The following STPG2 variants were observed in gnomAD, a reference collection of about 807,000 sequenced individuals.
STPG2 encodes the protein sperm tail PG-rich repeat containing 2.
A neutral mutation model predicts 54.2 loss-of-function variants in STPG2; 56 were observed. The observed-to-expected ratio is 1.03, with a 90% CI of 0.83 to 1.29. STPG2 has a LOEUF of 1.29. STPG2 is among the 50% of genes most tolerant of loss of function. STPG2 has a pLI of 0.00. For missense variants in STPG2, 596 were observed against 544.9 expected (o/e 1.09, Z -0.93); for synonymous variants, 200 against 181.8 (o/e 1.10, Z -0.81).
At chr4:98,118,596 G>A (rs1347200419) in intron 3 of STPG2, among the ~76,000 whole-genome samples, 2 of 152,128 alleles carry the variant, frequency 1.3e-5, no homozygotes, top group South Asian at 4.1e-4. Flanking sequence ...TGTCCATTGA[G>A]ATGACCTAGA....
At chr4:97,937,549 TG>T (rs1487925585) in intron 8 of STPG2, among the ~76,000 whole-genome samples, 1 of 152,208 alleles carries the variant, frequency 6.6e-6, no homozygotes, top group Non-Finnish European at 1.5e-5. Flanking sequence ...TGCTGACCTT[TG>T]GATGAGGTTT....
At chr4:97,930,535 A>G (rs1578702491) in intron 8 of STPG2, among the ~76,000 whole-genome samples, 1 of 152,100 alleles carries the variant, frequency 6.6e-6, no homozygotes, top group Non-Finnish European at 1.5e-5. Flanking sequence ...CCATTGGTCT[A>G]TGTGCCTGTT....
At chr4:97,504,804 T>C (rs1388806453) in intron 4 of STPG2, among the ~76,000 whole-genome samples, 1 of 151,976 alleles carries the variant, frequency 6.6e-6, no homozygotes, top group East Asian at 1.9e-4. Flanking sequence ...AATCCTTTTG[T>C]TTTACCAGAA....
chr4:97,709,465 G>A (rs1724045445), intron 10 of STPG2, among the ~76,000 whole-genome samples: 1 of 149,270 alleles, frequency 6.7e-6, no homozygotes. Context: ...AAGCAATTAT[G>A]TAACCTGCAA....
At chr4:97,608,617 G>A (rs1306516338) in intron 10 of STPG2, among the ~76,000 whole-genome samples, 5 of 151,998 alleles carry the variant, frequency 3.3e-5, no homozygotes, top group Non-Finnish European at 7.4e-5. Context: ...CTGTAATTGA[G>A]AACACTGACC....
chr4:97,884,866 T>A (rs1008586244), intron 8 of STPG2, among the ~76,000 whole-genome samples: 2 of 152,090 alleles, frequency 1.3e-5, no homozygotes. Flanking sequence ...CTGACCTACC[T>A]TTTCCTTCTC....
At position 97,828,014 on chromosome 4, in the gene STPG2, T is replaced by C. The variant is rs997353437; in HGVS notation, c.1204+12759A>G. 1.5e-4 allele frequency among the ~76,000 whole-genome samples: 23 copies of C among 152,282 alleles called. 1 individual carries two copies. The highest frequency in any genetic ancestry group is 1.2e-3 in the Admixed American group (19 of 15,294). ...GGCTTTAAAAAAAAGAAAAATTTTA[T>C]CTGATATTCCTTTTATGGAACAAAG... On this transcript the variant is annotated intron_variant, in intron 9 of 10. Coordinates refer to ENST00000295268, the MANE Select transcript of STPG2 (RefSeq NM_174952.3).
chr4:97,918,204 C>A (rs554020412), intron 8 of STPG2, among the ~76,000 whole-genome samples: 1 of 151,928 alleles, frequency 6.6e-6, no homozygotes, highest in African/African-American at 2.4e-5. Flanking sequence ...CTATCTTTTC[C>A]AACAAAAGGT....
chr4:98,034,957 T>C lies in STPG2; in HGVS notation c.613-53639A>G, dbSNP rs904039815. Among the ~76,000 whole-genome samples, 8 of 152,174 alleles carry C rather than the reference T, an allele frequency of 5.3e-5. No individual in the cohort carries two copies. The East Asian group carries it at 1.5e-3, about 29-fold the overall frequency. ...TATACAAAAATTAACTCAAGATGGA[T>C]TAAAGTCTTAAATGTAAGATCTAAA... is the stretch of plus-strand genomic sequence containing the variant. On this transcript the variant is annotated intron_variant, in intron 5 of 10. Coordinates refer to ENST00000295268, the MANE Select transcript of STPG2 (RefSeq NM_174952.3).
rs148334626 is a variant in STPG2 at position 98,129,973 on chromosome 4, T to C, written c.223-1381A>G. 2.3e-3 allele frequency among the ~76,000 whole-genome samples: 347 copies of C among 152,018 alleles called. 10 individuals carry two copies. The East Asian group carries it at 0.057, about 25-fold the overall frequency. Reference sequence around the variant, plus strand: ...CCTGGGTTCAAGCGATTCTCCTGCCTCAGTCTCCCAAGTAGCTGGGATTAC... The same window carrying C: ...CCTGGGTTCAAGCGATTCTCCTGCCCCAGTCTCCCAAGTAGCTGGGATTAC... On this transcript the variant is annotated intron_variant, in intron 2 of 10. Transcript: ENST00000295268.
intron 5 of STPG2, among the ~76,000 whole-genome samples, chr4:98,033,592 A>T (rs1226416525): frequency 6.6e-6 from 1 of 152,214 alleles, no homozygotes; most frequent in African/African-American, 2.4e-5. Context: ...AATCCTTCCT[A>T]ACTCATTTTA....
At chr4:98,014,600 T>A (rs956597969) in intron 5 of STPG2, among the ~76,000 whole-genome samples, 1 of 152,222 alleles carries the variant, frequency 6.6e-6, no homozygotes, top group Non-Finnish European at 1.5e-5. Context: ...TTGTAGCTAT[T>A]GTTAAATACT....
intron 10 of STPG2, among the ~76,000 whole-genome samples, chr4:97,636,760 T>C (rs1426414036): frequency 6.6e-6 from 1 of 152,320 alleles, no homozygotes; most frequent in East Asian, 1.9e-4. Context: ...GATAAATTCC[T>C]TGATACATAC....
chr4:97,472,089 A>T (rs1433049520), intron 4 of STPG2, among the ~76,000 whole-genome samples: 5 of 151,932 alleles, frequency 3.3e-5, no homozygotes, highest in Admixed American at 3.3e-4. Context: ...CTAGAAAAAT[A>T]AAAAAATCAA....
chr4:97,958,895 T>C (rs546084913), intron 7 of STPG2, among the ~76,000 whole-genome samples: 2 of 152,276 alleles, frequency 1.3e-5, no homozygotes, highest in South Asian at 4.1e-4. Flanking sequence ...TTACAGAACA[T>C]TTTACCCAAC....
intron 10 of STPG2, chr4:97,633,536 G>C (rs1173312649): frequency 6.6e-6 from 1 of 152,536 alleles, no homozygotes; most frequent in Non-Finnish European, 1.5e-5. Context: ...CTCCCAGCCT[G>C]AGCGACGCAG....
intron 5 of STPG2, among the ~76,000 whole-genome samples, chr4:98,081,939 T>A (rs528650154): frequency 6.6e-6 from 1 of 152,282 alleles, no homozygotes; most frequent in East Asian, 1.9e-4. Flanking sequence ...GAGGCTATGA[T>A]AAAAGTTTAA....
chr4:97,548,204 GAAAATGAA>G (rs1731886831), intron 4 of STPG2, among the ~76,000 whole-genome samples: 1 of 152,052 alleles, frequency 6.6e-6, no homozygotes, highest in Admixed American at 6.6e-5. Context: ...GACTCCTCGT[GAAAATGAA>G]AAGAGTAGGG....
intron 10 of STPG2, among the ~76,000 whole-genome samples, chr4:97,586,390 T>A (rs1203842404): frequency 6.6e-6 from 1 of 151,846 alleles, no homozygotes; most frequent in Non-Finnish European, 1.5e-5. Flanking sequence ...AGAAAGACAA[T>A]AAGGTTAAAA....
Sources: gnomAD v4.1 joint callset for allele counts (sites outside exome capture counted in the v4.1 genomes callset) on GRCh38, gnomAD v4.1.1 for gene constraint, MANE v1.5 for transcripts, NCBI Gene and HGNC (gene_info 2026-07-23, HGNC 2026-07-21) for gene names.